Variants in SRRM2 observed in about 807,000 individuals in gnomAD.
SRRM2 encodes the protein serine/arginine repetitive matrix 2.
Under a neutral mutation model 213.8 loss-of-function variants are expected in SRRM2, and 30 were observed. That is an observed-to-expected ratio of 0.14 (90% CI 0.10 to 0.19). The LOEUF (loss-of-function observed/expected upper bound fraction) is 0.19. Ranked by LOEUF, SRRM2 falls within the 10% of genes least tolerant of loss-of-function variation. SRRM2 has a pLI of 1.00. For synonymous variants in SRRM2, 2,025 were observed against 1,377.7 expected (o/e 1.47, Z -10.40); for missense variants, 4,904 against 3,647.0 (o/e 1.34, Z -8.88).
rs148774293 is a variant in SRRM2 at position 2,766,682 on chromosome 16, C to T, written c.6154C>T (p.Arg2052Cys). Residue 2052 changes from arginine to cysteine, a missense_variant, in exon 11 of 15, where the codon CGC (arginine) becomes TGC (cysteine). Physicochemically the swap from Arg to Cys is radical, Grantham distance 180 (BLOSUM62 -3). Transcript: ENST00000301740. This position sits in a 1 kb window ranked among gnomAD's most constrained non-coding sequence, Gnocchi z 7.0. Reference protein sequence around the residue: ...SRSRSPLAIRRRSRSRTPRTA... With the variant: ...SRSRSPLAIRCRSRSRTPRTA... The stretch of plus-strand genomic sequence containing the variant: ...AAGTCGCTCACCACTTGCTATCCGC[C>T]GCCGCTCCAGATCCCGTACTCCACG... The T allele has an allele frequency of 2.4e-4, 395 of 1,614,180 alleles. 1 individual carries two copies. The African/African-American group carries it at 3.2e-3, about 13-fold the overall frequency.
In SRRM2 at chr16:2,767,419, A is replaced by C. The variant is rs1465553201; in HGVS notation, c.6891A>C (p.Leu2297=). The change falls in exon 11 of 15, where the codon CTA becomes CTC. Residue 2297 remains leucine (L), a synonymous_variant. Transcript: ENST00000301740. ...PRTPTAPAVN[L]AGARTPAALA... ...CTCCCACAGCCCCAGCTGTGAACCTAGCAGGGGCCAGAACCCCAGCTGCCT... is the reference window on the plus strand; with the variant it reads ...CTCCCACAGCCCCAGCTGTGAACCTCGCAGGGGCCAGAACCCCAGCTGCCT... 3 of 1,614,002 alleles carry C rather than the reference A, an allele frequency of 1.9e-6. No homozygotes were observed. The East Asian group carries it at 6.7e-5, about 36-fold the overall frequency.
rs771798188 is a variant in SRRM2, at chr16:2,765,445, TTCA to T, written c.4921_4923del (p.Ser1642del). The T allele has an allele frequency of 6.2e-7, 1 of 1,613,942 alleles. No homozygotes were observed. The highest frequency in any genetic ancestry group is 8.5e-7 in the Non-Finnish European group (1 of 1,179,968). ...CCCTTCCCAGACGAAGCAGATCAGGTTCATCAAGCAAAGGCAGAGGCCCTTCTC... is the reference window on the plus strand; with the variant it reads ...CCCTTCCCAGACGAAGCAGATCAGGTTCAAGCAAAGGCAGAGGCCCTTCTC... On this transcript the variant is annotated inframe_deletion, in exon 11 of 15. Transcript: ENST00000301740.
Position 2,762,774 on chromosome 16 carries a change from TGAA to T in SRRM2, c.2250_2252del (p.Lys751del), listed in dbSNP as rs1359522596. 4 of 1,614,002 alleles carry T rather than the reference TGAA, an allele frequency of 2.5e-6. No individual in the cohort carries two copies. The Admixed American group carries it at 6.7e-5, about 27-fold the overall frequency. On this transcript the variant is annotated inframe_deletion, in exon 11 of 15. Transcript: ENST00000301740. Reference sequence around the variant, plus strand: ...AGCAGGTCCAATTCAAGCCCAGAAATGAAGAAATCTCGCATTTCTTCAAGGCGG... The same window carrying T: ...AGCAGGTCCAATTCAAGCCCAGAAATGAAATCTCGCATTTCTTCAAGGCGG...
intron 1 of SRRM2, among the ~76,000 whole-genome samples, chr16:2,753,248 C>G (rs910318468): frequency 6.6e-6 from 1 of 152,238 alleles, no homozygotes; most frequent in Non-Finnish European, 1.5e-5. Context: ...GACCCTTGCC[C>G]CCGGTTCCAG....
In SRRM2 at chr16:2,764,574, C is replaced by A. The variant is rs145200443; in HGVS notation, c.4046C>A (p.Ser1349Tyr). Reference protein sequence around the residue: ...LGTEMNTGFSSEVKEDLNGPF... With the variant: ...LGTEMNTGFSYEVKEDLNGPF... ...ACAGAAATGAATACTGGATTTTCTT[C>A]TGAGGTTAAAGAAGATTTGAATGGA... The change falls in exon 11 of 15, where the codon TCT becomes TAT. Residue 1349 changes from serine to tyrosine, a missense_variant. Ser to Tyr is a moderately radical substitution (Grantham distance 144). Transcript: ENST00000301740. 4.3e-5 allele frequency: 69 copies of A among 1,614,188 alleles called. 1 individual carries two copies. The Middle Eastern group carries it at 1.8e-3, about 42-fold the overall frequency.
Position 2,759,007 on chromosome 16 carries a change from C to A in SRRM2, c.616C>A (p.Arg206=). 6.2e-7 allele frequency: 1 copy of A among 1,614,036 alleles called. No homozygotes were observed. The highest frequency in any genetic ancestry group is 8.5e-7 in the Non-Finnish European group (1 of 1,180,026). The change falls in exon 6 of 15, where the codon CGA becomes AGA. Residue 206 remains arginine, a synonymous_variant. Transcript: ENST00000301740. The stretch of plus-strand genomic sequence containing the variant: ...TAGCAGGTCAGAGAGCAGCTCTCCT[C>A]GACGGGAGAGAAAGAAAAGCTCAAA... The part of the protein sequence containing the change: ...RGRRSESSSP[R]RERKKSSKKK...
chr16:2,771,008 T>G lies in SRRM2; in HGVS notation c.*141T>G, dbSNP rs781412381. 4 of 734,214 alleles carry G rather than the reference T, an allele frequency of 5.4e-6. No individual in the cohort carries two copies. Among genetic ancestry groups the G allele is most frequent in the South Asian group, 5.4e-5 (3 of 55,316 alleles). 45.5% of individuals were successfully genotyped at this position (734,214 alleles called of 1,614,324 possible). A position where few individuals can be genotyped will look rare whatever the true frequency, so the allele number is the denominator to read the frequency against. ...CCTTGGATGGAGGGCTCCCTTTCCCTCCCCTTTTTTTTTTCTTTGTTCCTG... is the reference window on the plus strand; with the variant it reads ...CCTTGGATGGAGGGCTCCCTTTCCCGCCCCTTTTTTTTTTCTTTGTTCCTG... On this transcript the variant is annotated 3_prime_UTR_variant, in exon 15 of 15. Coordinates refer to ENST00000301740, the MANE Select transcript of SRRM2 (RefSeq NM_016333.4).
Position 2,771,361 on chromosome 16 carries a change from C to T in SRRM2, c.*494C>T, listed in dbSNP as rs1470729410. 2 of 1,589,760 alleles carry T rather than the reference C, an allele frequency of 1.3e-6. No homozygotes were observed. The highest frequency in any genetic ancestry group is 1.7e-6 in the Non-Finnish European group (2 of 1,159,274). ...TAAAGGCATTTTGGTTTTTTAAAAT[C>T]TGTACAGCAAGAGCAACTTTTTCTG... On this transcript the variant is annotated 3_prime_UTR_variant, in exon 15 of 15. Transcript: ENST00000301740.
rs752993822 is a variant in SRRM2, at chr16:2,768,037, C to T, written c.7509C>T (p.His2503=). Residue 2503 remains histidine (H), a synonymous_variant, in exon 11 of 15, where the codon CAC becomes CAT. Coordinates refer to ENST00000301740, the MANE Select transcript of SRRM2 (RefSeq NM_016333.4). ...CTGTCCCTGCCCCTGGGGTGCCCCACTCTGATGTGGGGGAGCCACCTGCCT... is the reference window on the plus strand; with the variant it reads ...CTGTCCCTGCCCCTGGGGTGCCCCATTCTGATGTGGGGGAGCCACCTGCCT... The part of the protein sequence containing the change: ...MLSVPAPGVP[H]SDVGEPPAST... 5 of 1,614,194 alleles carry T rather than the reference C, an allele frequency of 3.1e-6. No individual in the cohort carries two copies. The highest frequency in any genetic ancestry group is 1.1e-5 in the South Asian group (1 of 91,086).
At chr16:2,768,305 T>TG (rs1330962076) in intron 11 of SRRM2, 44 bp downstream of exon 11, 1 of 1,442,570 alleles carries the variant, frequency 6.9e-7, no homozygotes, top group Admixed American at 2.3e-5. Flanking sequence ...GGGGAGGTAT[T>TG]GGGGATGGGT....
chr16:2,769,313 G>A (rs1567248346), intron 12 of SRRM2, 29 bp downstream of exon 12: 3 of 1,532,606 alleles, frequency 2.0e-6, no homozygotes, highest in Non-Finnish European at 2.6e-6. Flanking sequence ...GAGTTGAAAG[G>A]TGGGTGGGGG....
chr16:2,761,700 T>C lies in SRRM2; in HGVS notation c.1172T>C (p.Val391Ala), dbSNP rs773945694. The C allele has an allele frequency of 1.5e-5, 24 of 1,604,472 alleles. No homozygotes were observed. ...ACCACCCCCTTAAGCCAGGAGCCAG[T>C]GAACCCCCCATCTGAGGCCTCTCCA... ...LATTPLSQEP[V>A]NPPSEASPTR... The change falls in exon 11 of 15, where the codon GTG (valine) becomes GCG (alanine). Residue 391 changes from valine to alanine, a missense_variant. Transcript: ENST00000301740.
In SRRM2 at chr16:2,765,873, C is replaced by G. The variant is rs894059969; in HGVS notation, c.5345C>G (p.Thr1782Arg). The part of the protein sequence containing the change: ...RSRSRSRREK[T>R]RTTRRRDRSG... ...CGTTCCCGCTCAAGGAGAGAGAAAA[C>G]AAGAACAACCCGACGTCGAGATAGG... The change falls in exon 11 of 15, where the codon ACA becomes AGA. Residue 1782 changes from threonine to arginine, a missense_variant. Coordinates refer to ENST00000301740, the MANE Select transcript of SRRM2 (RefSeq NM_016333.4). 3.7e-6 allele frequency: 6 copies of G among 1,614,038 alleles called. No individual in the cohort carries two copies. The highest frequency in any genetic ancestry group is 2.2e-5 in the East Asian group (1 of 44,892).
Position 2,764,370 on chromosome 16 carries a change from C to G in SRRM2, c.3842C>G (p.Ser1281Cys), listed in dbSNP as rs1250668976. The G allele has an allele frequency of 6.2e-7, 1 of 1,614,070 alleles. No homozygotes were observed. Among genetic ancestry groups the G allele is most frequent in the African/African-American group, 1.3e-5 (1 of 74,952 alleles). Residue 1281 changes from serine to cysteine, a missense_variant, in exon 11 of 15, where the codon TCT becomes TGT. Transcript: ENST00000301740. ...SPEVEERPAV[S>C]LTLDQSQSQA... Reference sequence around the variant, plus strand: ...GAAGTAGAAGAAAGGCCTGCTGTGTCTTTGACTCTTGATCAGAGCCAGTCA... The same window carrying G: ...GAAGTAGAAGAAAGGCCTGCTGTGTGTTTGACTCTTGATCAGAGCCAGTCA...
chr16:2,763,568 T>G lies in SRRM2; in HGVS notation c.3040T>G (p.Ser1014Ala), dbSNP rs1483283192. 1.2e-6 allele frequency: 2 copies of G among 1,614,118 alleles called. No homozygotes were observed. Among genetic ancestry groups the G allele is most frequent in the Admixed American group, 3.3e-5 (2 of 60,022 alleles). ...PPGPSLSGSK[S>A]PCPQEKSKDS... Reference sequence around the variant, plus strand: ...GGGGCCAAGTCTTTCTGGATCAAAGTCACCATGTCCCCAAGAGAAGTCTAA... The same window carrying G: ...GGGGCCAAGTCTTTCTGGATCAAAGGCACCATGTCCCCAAGAGAAGTCTAA... The change falls in exon 11 of 15, where the codon TCA becomes GCA. Residue 1014 changes from serine (S) to alanine (A), a missense_variant. Coordinates refer to ENST00000301740, the MANE Select transcript of SRRM2 (RefSeq NM_016333.4).
chr16:2,753,960 A>AT (rs1383771704), intron 1 of SRRM2, among the ~76,000 whole-genome samples: 1 of 152,074 alleles, frequency 6.6e-6, no homozygotes, highest in East Asian at 1.9e-4. Flanking sequence ...GAATTCAAAT[A>AT]TATCTTTCTA....
rs922236824 is a variant in SRRM2, at chr16:2,768,162, C to G, written c.7634C>G (p.Ser2545Cys). ...TCGTCGTCCTCTAGCTCCTCCTCTT[C>G]TTCATCATCGTCGTCGTCGTCCTCC... ...SSSSSSSSSS[S>C]SSSSSSSSSS... The change falls in exon 11 of 15, where the codon TCT (serine) becomes TGT (cysteine). Residue 2545 changes from serine to cysteine, a missense_variant. Coordinates refer to ENST00000301740, the MANE Select transcript of SRRM2 (RefSeq NM_016333.4). The G allele has an allele frequency of 1.2e-6, 2 of 1,613,214 alleles. No homozygotes were observed. The highest frequency in any genetic ancestry group is 1.3e-5 in the African/African-American group (1 of 74,948).
Position 2,764,095 on chromosome 16 carries a change from C to G in SRRM2, c.3567C>G (p.Pro1189=). ...SPPRQKDKFS[P]FPVQDRPESS... ...CTAGACAGAAAGACAAATTTAGTCC[C>G]TTTCCAGTACAGGATAGGCCTGAGT... Residue 1189 remains proline, a synonymous_variant, in exon 11 of 15, where the codon CCC becomes CCG. Transcript: ENST00000301740. 1 of 1,614,138 alleles carries G rather than the reference C, an allele frequency of 6.2e-7. No homozygotes were observed. Among genetic ancestry groups the G allele is most frequent in the Non-Finnish European group, 8.5e-7 (1 of 1,180,020 alleles).
rs999256691 is a variant in SRRM2 at position 2,756,434 on chromosome 16, T to G, written c.70T>G (p.Ser24Ala). Reference protein sequence around the residue: ...GTNGYVQRNLSLVRGRRGERP... With the variant: ...GTNGYVQRNLALVRGRRGERP... ...CAACGGCTACGTCCAGCGCAACCTG[T>G]CCCTGGTGCGGGGCCGCCGGGGTGA... is the stretch of plus-strand genomic sequence containing the variant. Residue 24 changes from serine (S) to alanine (A), a missense_variant, in exon 2 of 15, where the codon TCC (serine) becomes GCC (alanine). Ser to Ala is a moderately conservative substitution (Grantham distance 99). Coordinates refer to ENST00000301740, the MANE Select transcript of SRRM2 (RefSeq NM_016333.4). 6.2e-7 allele frequency: 1 copy of G among 1,612,260 alleles called. No homozygotes were observed. The highest frequency in any genetic ancestry group is 8.5e-7 in the Non-Finnish European group (1 of 1,179,324).
Sources: allele counts gnomAD v4.1 joint callset (sites outside exome capture counted in the v4.1 genomes callset), GRCh38; gene constraint gnomAD v4.1.1; non-coding constraint Gnocchi (gnomAD v3.1); transcripts MANE v1.5; gene names NCBI Gene and HGNC (gene_info 2026-07-23, HGNC 2026-07-21).